Variants in EML6 observed in about 807,000 individuals in gnomAD.
The protein encoded by EML6 is EMAP like 6.
In EML6, 154 loss-of-function variants were observed where a neutral mutation model predicts 240.1. That is an observed-to-expected ratio of 0.64 (90% CI 0.56 to 0.73). The LOEUF is 0.73. EML6 is among the 30% of genes least tolerant of loss of function. The pLI, the probability that EML6 is intolerant of heterozygous loss-of-function variation, is 0.00. For missense variants in EML6, 2,964 were observed against 2,474.6 expected, an observed-to-expected ratio of 1.20 and a Z score of -4.20; for synonymous variants, 1,148 against 899.0, an observed-to-expected ratio of 1.28 and a Z score of -4.95.
chr2:54,816,551 T>C (rs1438353672), intron 3 of EML6, among the ~76,000 whole-genome samples: 1 of 152,224 alleles, frequency 6.6e-6, no homozygotes, highest in African/African-American at 2.4e-5. Flanking sequence ...GTATGTTTCT[T>C]ACACTTAAAA....
chr2:54,876,647 C>T (rs1013952767), intron 16 of EML6, among the ~76,000 whole-genome samples: 1 of 152,142 alleles, frequency 6.6e-6, no homozygotes, highest in Non-Finnish European at 1.5e-5. Flanking sequence ...ATGAATGCAA[C>T]AAGACATTGA....
intron 17 of EML6, among the ~76,000 whole-genome samples, chr2:54,889,642 A>G (rs1026228097): frequency 6.6e-6 from 1 of 152,090 alleles, no homozygotes; most frequent in African/African-American, 2.4e-5. Context: ...TATATACTGT[A>G]CCTTTACTAA....
At chr2:54,853,508 G>A (rs989088296) in intron 10 of EML6, 135 bp from the exon 11 acceptor site, 3 of 576,268 alleles carry the variant, frequency 5.2e-6, no homozygotes, top group South Asian at 8.1e-5. Flanking sequence ...AGAAAAAATC[G>A]CAAATGGGAT....
intron 41 of EML6, 57 bp from the exon 42 acceptor site, chr2:54,970,014 C>T: frequency 6.5e-7 from 1 of 1,544,364 alleles, no homozygotes; most frequent in Non-Finnish European, 8.8e-7. Context: ...TTTTTTGCCA[C>T]TTGACACAAG....
At position 54,971,464 on chromosome 2, in the gene EML6, G is replaced by C. The variant is rs544240006; in HGVS notation, c.*1369G>C. ...CGAAAATTCTAGACCTACAGTTACT[G>C]GCTACTTGCATTTGTCAGTTTAGAG... On this transcript the variant is annotated 3_prime_UTR_variant, in exon 42 of 42. Coordinates refer to ENST00000356458, the MANE Select transcript of EML6 (RefSeq NM_001039753.4). 1.1e-4 allele frequency: 16 copies of C among 152,248 alleles called. No individual in the cohort carries two copies. The highest frequency in any genetic ancestry group is 3.4e-3 in the Middle Eastern group (1 of 294). 9.4% of individuals were successfully genotyped at this position (152,248 alleles called of 1,614,324 possible). A position where few individuals can be genotyped will look rare whatever the true frequency, so the allele number is the denominator to read the frequency against.
chr2:54,868,908 T>A, intron 14 of EML6: 1 of 393,310 alleles, frequency 2.5e-6, no homozygotes, highest in South Asian at 5.6e-5. Context: ...AGATGTGTTC[T>A]CAGATGATCG....
chr2:54,964,254 T>G (rs1350570910), intron 37 of EML6, 96 bp downstream of exon 37: 37 of 1,271,228 alleles, frequency 2.9e-5, no homozygotes, highest in Non-Finnish European at 3.8e-5. Context: ...AAGAACTCAG[T>G]TGTGAGAGGG....
intron 7 of EML6, among the ~76,000 whole-genome samples, chr2:54,830,378 A>G (rs112942497): frequency 1.5e-3 from 229 of 152,290 alleles, no homozygotes; most frequent in African/African-American, 5.2e-3. Flanking sequence ...ATGGGGGTCC[A>G]CAGGATGAAA....
intron 29 of EML6, 49 bp downstream of exon 29, chr2:54,949,009 C>T: frequency 1.5e-6 from 2 of 1,335,938 alleles, no homozygotes; most frequent in Non-Finnish European, 2.1e-6. Context: ...CTAAGACATA[C>T]CTGGTAGACA....
intron 32 of EML6, among the ~76,000 whole-genome samples, chr2:54,955,027 T>C (rs1006936864): frequency 6.6e-6 from 1 of 152,138 alleles, no homozygotes; most frequent in Non-Finnish European, 1.5e-5. Context: ...AAAGTTCCAG[T>C]CACTCCTGAG....
intron 2 of EML6, among the ~76,000 whole-genome samples, chr2:54,775,261 G>C (rs564448298): frequency 2.6e-5 from 4 of 152,066 alleles, no homozygotes; most frequent in Non-Finnish European, 5.9e-5. Context: ...GCCATTCCTC[G>C]CTAGGCCCTG....
intron 35 of EML6, 30 bp downstream of exon 35, chr2:54,960,364 G>T: frequency 1.3e-6 from 2 of 1,496,678 alleles, no homozygotes; most frequent in Non-Finnish European, 1.8e-6. Flanking sequence ...CTGGGGGCTG[G>T]GCCAGGGAAG....
At position 54,903,371 on chromosome 2, in the gene EML6, A is replaced by G. The variant is rs570238408; in HGVS notation, c.3278A>G (p.Asp1093Gly). 5 of 1,551,142 alleles carry G rather than the reference A, an allele frequency of 3.2e-6. No individual in the cohort carries two copies. The Admixed American group carries it at 7.9e-5, about 24-fold the overall frequency. The change falls in exon 24 of 42, where the codon GAT (aspartate) becomes GGT (glycine). Residue 1093 changes from aspartate (D) to glycine (G), a missense_variant and splice_region_variant. Coordinates refer to ENST00000356458, the MANE Select transcript of EML6 (RefSeq NM_001039753.4). The part of the protein sequence containing the change: ...EMISDIKFSK[D>G]TGKYLAVASH... ...GTTAACCCCACATTTTTCTTAACAG[A>G]TACGGGAAAATACCTTGCCGTGGCA...
In EML6 at chr2:54,745,090, G is replaced by A. The variant is rs141288420; in HGVS notation, c.197+19832G>A. 5.9e-5 allele frequency among the ~76,000 whole-genome samples: 9 copies of A among 152,264 alleles called. No individual in the cohort carries two copies. The East Asian group carries it at 1.2e-3, about 20-fold the overall frequency. On this transcript the variant is annotated intron_variant, in intron 2 of 41. Transcript: ENST00000356458. ...TTACAAGAGAAGGGATGCTGGAGGC[G>A]AGTCTTTAAGGCAGGAAGGATTCTC...
At position 54,928,497 on chromosome 2, in the gene EML6, A is replaced by G; in HGVS notation, c.3860A>G (p.Asp1287Gly). The change falls in exon 27 of 42, where the codon GAC becomes GGC. Residue 1287 changes from aspartate to glycine, a missense_variant. Transcript: ENST00000356458. ...GTGGACAGCGAGGAGTCAGACACCG[A>G]CGTGGAAGAGGATGGAGGTGAGCCC... ...KLVDSEESDT[D>G]VEEDGGYDSD... 6.5e-7 allele frequency: 1 copy of G among 1,545,902 alleles called. No homozygotes were observed. The highest frequency in any genetic ancestry group is 1.7e-4 in the Middle Eastern group (1 of 5,952).
chr2:54,816,805 T>C lies in EML6; in HGVS notation c.376T>C (p.Leu126=). 2 of 1,551,374 alleles carry C rather than the reference T, an allele frequency of 1.3e-6. No individual in the cohort carries two copies. The highest frequency in any genetic ancestry group is 1.7e-6 in the Non-Finnish European group (2 of 1,146,726). The change falls in exon 4 of 42, where the codon TTG becomes CTG. Residue 126 remains leucine, a synonymous_variant. Coordinates refer to ENST00000356458, the MANE Select transcript of EML6 (RefSeq NM_001039753.4). ...SDGQRLASVG[L]DAKNTVCIWD... ...TTCTTAGCGTTTAGCCTCTGTGGGG[T>C]TGGATGCCAAAAACACAGTCTGCAT...
intron 35 of EML6, among the ~76,000 whole-genome samples, chr2:54,961,184 G>GTTGTTGTTTTTTTTTTTTTTTTTTTTT: frequency 1.1e-4 from 6 of 55,416 alleles, no homozygotes; most frequent in Admixed American, 2.7e-4. Context: ...TCAGGAAGTA[G>GTTGTTGTTTTTTTTTTTTTTTTTTTTT]TTTTTTTTTT....
chr2:54,797,174 A>AAAAAAAAAAAAAAAAC (rs1669846417), intron 2 of EML6, among the ~76,000 whole-genome samples: 1 of 140,970 alleles, frequency 7.1e-6, no homozygotes, highest in Non-Finnish European at 1.6e-5. Flanking sequence ...CAAAAAAAAA[A>AAAAAAAAAAAAAAAAC]AAAAAAAAAA....
chr2:54,809,623 A>T (rs1305710242), intron 2 of EML6, among the ~76,000 whole-genome samples: 1 of 152,228 alleles, frequency 6.6e-6, no homozygotes, highest in African/African-American at 2.4e-5. Flanking sequence ...GGGAAAATTC[A>T]AACATAATAC....
Sources: gnomAD v4.1 joint callset for allele counts (sites outside exome capture counted in the v4.1 genomes callset) on GRCh38, gnomAD v4.1.1 for gene constraint, MANE v1.5 for transcripts, NCBI Gene and HGNC (gene_info 2026-07-23, HGNC 2026-07-21) for gene names.